The following DACH1 variants were observed in gnomAD, a reference collection of about 807,000 sequenced individuals.
DACH1 encodes dachshund homolog 1.
A neutral mutation model predicts 54.2 loss-of-function variants in DACH1; 12 were observed. The observed-to-expected ratio is 0.22, with a 90% confidence interval of 0.14 to 0.36. DACH1 has a LOEUF of 0.36. Ranked by LOEUF, DACH1 falls within the 10% of genes least tolerant of loss-of-function variation. DACH1 has a pLI of 1.00. For missense variants in DACH1, 805 were observed against 929.8 expected (o/e 0.87, Z 1.75); for synonymous variants, 386 against 366.2 (o/e 1.05, Z -0.62).
At chr13:71,476,059 A>T (rs1380045466) in intron 8 of DACH1, among the ~76,000 whole-genome samples, 1 of 152,190 alleles carries the variant, frequency 6.6e-6, no homozygotes, top group African/African-American at 2.4e-5. Flanking sequence ...TTTAGCCTAG[A>T]ACTATTACAT....
intron 6 of DACH1, among the ~76,000 whole-genome samples, chr13:71,552,830 TATATATATATATAG>T (rs1159360288): frequency 2.0e-3 from 86 of 42,808 alleles, no homozygotes; most frequent in East Asian, 5.6e-3. Flanking sequence ...TATATATATA[TATATATATATATAG>T]AGAGAGAGAG....
intron 2 of DACH1, among the ~76,000 whole-genome samples, chr13:71,671,696 G>A (rs547968378): frequency 6.6e-6 from 1 of 152,134 alleles, no homozygotes; most frequent in East Asian, 1.9e-4. Context: ...AAATCGTATT[G>A]TTTTGTAACA....
At chr13:71,844,573 T>C (rs944518389) in intron 1 of DACH1, among the ~76,000 whole-genome samples, 1 of 152,218 alleles carries the variant, frequency 6.6e-6, no homozygotes, top group African/African-American at 2.4e-5. Context: ...ATATCATTTA[T>C]ACATGATCTT....
intron 4 of DACH1, among the ~76,000 whole-genome samples, chr13:71,564,547 C>T (rs891131855): frequency 6.7e-6 from 1 of 150,236 alleles, no homozygotes; most frequent in Non-Finnish European, 1.5e-5. Context: ...GCATTTTTGC[C>T]TCTGGGAAGA....
At chr13:71,859,477 T>C (rs1275379460) in intron 1 of DACH1, among the ~76,000 whole-genome samples, 1 of 151,836 alleles carries the variant, frequency 6.6e-6, no homozygotes, top group Non-Finnish European at 1.5e-5. Context: ...AATTGTATCA[T>C]TAATTTGAAA....
chr13:71,558,014 G>T (rs1162935307), intron 5 of DACH1, among the ~76,000 whole-genome samples: 1 of 151,422 alleles, frequency 6.6e-6, no homozygotes, highest in Non-Finnish European at 1.5e-5. Context: ...GGGAAAACCA[G>T]TGCAATTTAA....
At chr13:71,566,948 C>T (rs1884927389) in intron 4 of DACH1, among the ~76,000 whole-genome samples, 1 of 152,088 alleles carries the variant, frequency 6.6e-6, no homozygotes, top group African/African-American at 2.4e-5. Context: ...CTAAGATTCA[C>T]TCTACTTTGT....
At chr13:71,482,248 G>T (rs1304085114) in intron 7 of DACH1, among the ~76,000 whole-genome samples, 1 of 151,204 alleles carries the variant, frequency 6.6e-6, no homozygotes, top group Admixed American at 6.6e-5. Flanking sequence ...TTTTTTAAAG[G>T]GTACTGTATC....
At chr13:71,668,798 GC>G (rs1880033402) in intron 2 of DACH1, among the ~76,000 whole-genome samples, 1 of 151,886 alleles carries the variant, frequency 6.6e-6, no homozygotes, top group South Asian at 2.1e-4. Flanking sequence ...GGTGATGGGC[GC>G]CTGTAATCCC....
intron 7 of DACH1, among the ~76,000 whole-genome samples, chr13:71,488,269 AGAT>A (rs1878703007): frequency 6.6e-6 from 1 of 152,328 alleles, no homozygotes; most frequent in South Asian, 2.1e-4. Flanking sequence ...ATGGAGAAGT[AGAT>A]GACAAAAATC....
chr13:71,462,672 C>T (rs1161192559), intron 10 of DACH1, among the ~76,000 whole-genome samples: 2 of 151,890 alleles, frequency 1.3e-5, no homozygotes, highest in African/African-American at 2.4e-5. Flanking sequence ...ACTGTTCTAA[C>T]TTCTTTACGT....
intron 6 of DACH1, among the ~76,000 whole-genome samples, chr13:71,528,425 C>CTTTTTTTTTTTTTTTTTTTTTTT (rs71198120): frequency 9.0e-6 from 1 of 111,126 alleles, no homozygotes. Context: ...AACAGATTTT[C>CTTTTTTTTTTTTTTTTTTTTTTT]TTTTTTTTTT....
intron 1 of DACH1, among the ~76,000 whole-genome samples, chr13:71,724,310 G>A (rs7983421): frequency 1.3e-5 from 2 of 152,022 alleles, no homozygotes; most frequent in Non-Finnish European, 2.9e-5. Context: ...AAGACAGCTT[G>A]CTATACTTGG....
chr13:71,866,412 C>A lies in DACH1; in HGVS notation c.358G>T (p.Gly120Cys). 7.0e-7 allele frequency: 1 copy of A among 1,421,858 alleles called. No individual in the cohort carries two copies. The highest frequency in any genetic ancestry group is 9.3e-7 in the Non-Finnish European group (1 of 1,080,580). The allele number at this position is 1,421,858 out of a possible 1,614,324, so 88.1% of individuals were successfully genotyped here. The change falls in exon 1 of 11, where the codon GGC becomes TGC. Residue 120 changes from glycine (G) to cysteine (C), a missense_variant. By Grantham distance (159) the Gly-to-Cys change is radical (BLOSUM62 -3). Transcript: ENST00000613252. ...AASNGSGGGG[G>C]GISAGGGVAS... is the part of the protein sequence containing the mutation. The stretch of plus-strand genomic sequence containing the variant: ...ACGCCGCCGCCAGCGCTGATGCCGC[C>A]GCCGCCGCCGCCGCTGCCGTTGCTC...
intron 1 of DACH1, among the ~76,000 whole-genome samples, chr13:71,695,919 T>C (rs757781224): frequency 3.9e-5 from 6 of 152,202 alleles, no homozygotes; most frequent in Admixed American, 6.5e-5. Flanking sequence ...CCTTCACAGA[T>C]GGGCCATGTG....
intron 1 of DACH1, among the ~76,000 whole-genome samples, chr13:71,705,069 G>A (rs1438913614): frequency 6.6e-6 from 1 of 152,132 alleles, no homozygotes; most frequent in Non-Finnish European, 1.5e-5. Context: ...GTTGAAACTA[G>A]CACTAAGCTA....
chr13:71,640,028 T>A (rs1296393228), intron 2 of DACH1, among the ~76,000 whole-genome samples: 2 of 152,008 alleles, frequency 1.3e-5, no homozygotes, highest in Non-Finnish European at 2.9e-5. Context: ...ATGATTAAAT[T>A]TAGGGGCAAT....
At chr13:71,552,060 T>C (rs1883850239) in intron 6 of DACH1, among the ~76,000 whole-genome samples, 3 of 152,070 alleles carry the variant, frequency 2.0e-5, no homozygotes, top group South Asian at 2.1e-4. Context: ...CCTGAAGTTG[T>C]CACCAGTGAA....
At chr13:71,845,033 T>A (rs1365702823) in intron 1 of DACH1, among the ~76,000 whole-genome samples, 3 of 152,102 alleles carry the variant, frequency 2.0e-5, no homozygotes, top group Admixed American at 2.0e-4. Context: ...AGGAGTCAAT[T>A]CTAGTGTTCT....
Sources: allele counts gnomAD v4.1 joint callset (sites outside exome capture counted in the v4.1 genomes callset), GRCh38; gene constraint gnomAD v4.1.1; transcripts MANE v1.5; gene names NCBI Gene and HGNC (gene_info 2026-07-23, HGNC 2026-07-21).